CNBD1: variants seen among roughly 807,000 people sequenced by gnomAD.
CNBD1 encodes the protein cyclic nucleotide-binding domain-containing protein 1.
Under a neutral mutation model 54.4 loss-of-function variants are expected in CNBD1, and 71 were observed. The ratio of observed to expected loss-of-function variants is 1.30; its 90% CI spans 1.08 to 1.59. CNBD1 has a LOEUF of 1.59. Among genes scored for constraint, CNBD1 ranks in the 40% most tolerant of loss-of-function variants. The pLI, the probability that CNBD1 is intolerant of heterozygous loss-of-function variation, is 0.00. For missense variants in CNBD1, 659 were observed against 518.0 expected, an observed-to-expected ratio of 1.27 and a Z score of -2.64; for synonymous variants, 182 against 170.7, an observed-to-expected ratio of 1.07 and a Z score of -0.51.
Position 87,351,721 on chromosome 8 carries a change from G to A in CNBD1, c.1079G>A (p.Gly360Asp), listed in dbSNP as rs775872618. Residue 360 changes from glycine to aspartate, a missense_variant, in exon 9 of 11, where the codon GGT becomes GAT. Transcript: ENST00000518476. The stretch of plus-strand genomic sequence containing the variant: ...AGTGGAAATATAATTTCTTTTGTGG[G>A]TTATATTAACTCTGGATGCTGTAAC... ...VESGNIISFV[G>D]YINSGCCNIY... is the part of the protein sequence containing the mutation. 3.3e-6 allele frequency: 5 copies of A among 1,531,962 alleles called. No individual in the cohort carries two copies. The East Asian group carries it at 1.2e-4, about 38-fold the overall frequency. The allele number at this position is 1,531,962 out of a possible 1,614,324, so 94.9% of individuals were successfully genotyped here.
intron 4 of CNBD1, among the ~76,000 whole-genome samples, chr8:87,117,188 G>A (rs894550519): frequency 1.3e-5 from 2 of 152,032 alleles, no homozygotes; most frequent in African/African-American, 4.8e-5. Flanking sequence ...CACGAAGTCA[G>A]GAGTTCGAGA....
chr8:87,342,012 G>A (rs538280569), intron 8 of CNBD1, among the ~76,000 whole-genome samples: 26 of 152,256 alleles, frequency 1.7e-4, no homozygotes, highest in South Asian at 1.0e-3. Context: ...AGTGGCTCAC[G>A]CCTGTAATCC....
chr8:87,130,571 G>A (rs961607554), intron 4 of CNBD1, among the ~76,000 whole-genome samples: 11 of 152,034 alleles, frequency 7.2e-5, no homozygotes, highest in African/African-American at 2.7e-4. Context: ...GAGCCCAGGA[G>A]GTCAAGACCA....
intron 4 of CNBD1, among the ~76,000 whole-genome samples, chr8:86,983,041 G>T (rs1222300114): frequency 2.0e-5 from 3 of 152,112 alleles, no homozygotes; most frequent in Non-Finnish European, 2.9e-5. Flanking sequence ...TTTGTTACAT[G>T]GGCATATTGT....
At chr8:86,937,745 C>T (rs1359584743) in intron 3 of CNBD1, among the ~76,000 whole-genome samples, 1 of 152,106 alleles carries the variant, frequency 6.6e-6, no homozygotes, top group Admixed American at 6.6e-5. Flanking sequence ...TTTTTTCCTC[C>T]TAGGCCCTGT....
rs145933192 is a variant in CNBD1 at position 87,403,564 on chromosome 8, C to T, written c.214-24982C>T. On this transcript the variant is annotated intron_variant, in intron 2 of 7. Coordinates refer to the CNBD1 transcript ENST00000521593. ...TTTCTTTGAGATTTTCTGAATGTTG[C>T]TTTACTTCTCTCACACTGGATTTTC... Among the ~76,000 whole-genome samples, 3 of 152,050 alleles carry T rather than the reference C, an allele frequency of 2.0e-5. No individual in the cohort carries two copies. The East Asian group carries it at 5.8e-4, about 30-fold the overall frequency.
chr8:87,071,762 G>C (rs1810763535), intron 4 of CNBD1, among the ~76,000 whole-genome samples: 1 of 152,188 alleles, frequency 6.6e-6, no homozygotes, highest in Non-Finnish European at 1.5e-5. Flanking sequence ...AGTGTCATGT[G>C]GCGATAAGAA....
intron 4 of CNBD1, among the ~76,000 whole-genome samples, chr8:87,001,699 A>G (rs1182090192): frequency 1.3e-5 from 2 of 152,210 alleles, no homozygotes; most frequent in Non-Finnish European, 2.9e-5. Flanking sequence ...ATTAAGGATG[A>G]ACTCAGCAGA....
chr8:86,871,115 T>A lies in CNBD1; in HGVS notation c.88+4532T>A, dbSNP rs80218517. ...GTACTTTTTGTCAAACCATTTTGAG[T>A]GGCGTTTAGAAATTAAGCTATGGGA... On this transcript the variant is annotated intron_variant, in intron 1 of 10. Transcript: ENST00000518476. Among the ~76,000 whole-genome samples, 566 of 152,328 alleles carry A rather than the reference T, an allele frequency of 3.7e-3. 5 individuals carry two copies. Among genetic ancestry groups the A allele is most frequent in the African/African-American group, 0.012 (500 of 41,580 alleles).
intron 2 of CNBD1, among the ~76,000 whole-genome samples, chr8:87,427,614 A>G (rs1808071966): frequency 6.6e-6 from 1 of 152,208 alleles, no homozygotes; most frequent in South Asian, 2.1e-4. Flanking sequence ...CCTAAATTGA[A>G]TTACTTGTTA....
intron 4 of CNBD1, among the ~76,000 whole-genome samples, chr8:87,018,141 G>T (rs1025598072): frequency 6.6e-6 from 1 of 152,204 alleles, no homozygotes; most frequent in Non-Finnish European, 1.5e-5. Context: ...TACTCGGGAG[G>T]CTGAGGCAGA....
intron 2 of CNBD1, among the ~76,000 whole-genome samples, chr8:87,399,952 A>G (rs1807517553): frequency 6.6e-6 from 1 of 151,974 alleles, no homozygotes; most frequent in Non-Finnish European, 1.5e-5. Context: ...TCAGAAAATG[A>G]TAAAAGGCAG....
At chr8:86,995,751 A>C (rs966888010) in intron 4 of CNBD1, among the ~76,000 whole-genome samples, 81 of 151,816 alleles carry the variant, frequency 5.3e-4, no homozygotes, top group African/African-American at 1.8e-3. Flanking sequence ...ACACAATGGA[A>C]TGATAAAAAT....
intron 5 of CNBD1, among the ~76,000 whole-genome samples, chr8:87,214,855 C>T (rs1258333556): frequency 6.6e-6 from 1 of 152,080 alleles, no homozygotes; most frequent in Admixed American, 6.6e-5. Flanking sequence ...GAAACTGCCC[C>T]CATGATTCAG....
intron 8 of CNBD1, among the ~76,000 whole-genome samples, chr8:87,312,100 G>A (rs1021987777): frequency 2.0e-5 from 3 of 152,002 alleles, no homozygotes; most frequent in Non-Finnish European, 2.9e-5. Flanking sequence ...TCTAAAATGA[G>A]AGTTGAAATT....
chr8:86,950,052 GTTTTTTTTTTT>G (rs55781806), intron 4 of CNBD1, among the ~76,000 whole-genome samples: 1 of 14,330 alleles, frequency 7.0e-5, no homozygotes, highest in African/African-American at 3.0e-4. Flanking sequence ...TGCCTCCCGG[GTTTTTTTTTTT>G]TTTTTTTTTT....
chr8:86,952,333 G>A lies in CNBD1; in HGVS notation c.431+12579G>A, dbSNP rs1054862660. ...CTGAGACCTGTCTCAGTTATTTCGG[G>A]TTCACAGTGTGAATTATCTGATAGT... On this transcript the variant is annotated intron_variant, in intron 4 of 10. Transcript: ENST00000518476. Among the ~76,000 whole-genome samples, 6 of 152,094 alleles carry A rather than the reference G, an allele frequency of 3.9e-5. No homozygotes were observed. The South Asian group carries it at 1.2e-3, about 32-fold the overall frequency.
chr8:86,920,508 C>A (rs1214711982), intron 3 of CNBD1, among the ~76,000 whole-genome samples: 2 of 152,150 alleles, frequency 1.3e-5, no homozygotes, highest in Non-Finnish European at 2.9e-5. Context: ...ATAATTTGAA[C>A]AGAGGAGAAC....
At chr8:87,111,569 A>G (rs1288401877) in intron 4 of CNBD1, among the ~76,000 whole-genome samples, 1 of 152,136 alleles carries the variant, frequency 6.6e-6, no homozygotes, top group Admixed American at 6.5e-5. Flanking sequence ...GACCTCTCTC[A>G]GTTGATGCAG....
Sources: allele counts gnomAD v4.1 joint callset (sites outside exome capture counted in the v4.1 genomes callset), GRCh38; gene constraint gnomAD v4.1.1; transcripts MANE v1.5; gene names NCBI Gene and HGNC (gene_info 2026-07-23, HGNC 2026-07-21).